The following TENM3 variants were observed in gnomAD, a reference collection of about 807,000 sequenced individuals.
The protein encoded by TENM3 is teneurin-3.
A neutral mutation model predicts 255.1 loss-of-function variants in TENM3; 63 were observed. The observed-to-expected ratio is 0.25, with a 90% CI of 0.20 to 0.30. TENM3 has a LOEUF of 0.30. TENM3 is among the 10% of genes least tolerant of loss of function. The pLI is 1.00. For missense variants in TENM3, 2,929 were observed against 3,461.1 expected, an observed-to-expected ratio of 0.85 and a Z score of 3.86; for synonymous variants, 1,306 against 1,322.3, an observed-to-expected ratio of 0.99 and a Z score of 0.27.
chr4:181,914,156 G>A, the TENM3 span, among the ~76,000 whole-genome samples: 1 of 152,122 alleles, frequency 6.6e-6, no homozygotes, highest in Non-Finnish European at 1.5e-5. Context: ...GGCTCCCATT[G>A]CCTGAAGACT....
the TENM3 span, among the ~76,000 whole-genome samples, chr4:181,778,203 T>C: frequency 5.3e-5 from 8 of 152,106 alleles, no homozygotes; most frequent in Non-Finnish European, 8.8e-5. Context: ...TGATGTAACA[T>C]AGCTAAAAAT....
chr4:182,262,857 G>A (rs1758925524), intron 1 of TENM3, among the ~76,000 whole-genome samples: 1 of 151,730 alleles, frequency 6.6e-6, no homozygotes, highest in African/African-American at 2.4e-5. Flanking sequence ...GGGACTACAG[G>A]CACCCACCAC....
At chr4:182,510,839 C>T (rs1049757258) in intron 3 of TENM3, among the ~76,000 whole-genome samples, 1 of 152,160 alleles carries the variant, frequency 6.6e-6, no homozygotes, top group Non-Finnish European at 1.5e-5. Flanking sequence ...AGGCAGTCTT[C>T]CATGGGATCT....
chr4:181,786,465 G>T, the TENM3 span, among the ~76,000 whole-genome samples: 654 of 152,254 alleles, frequency 4.3e-3, 7 homozygotes, highest in African/African-American at 0.015. Flanking sequence ...GAGGTGGGAG[G>T]TGGACACTAA....
the TENM3 span, among the ~76,000 whole-genome samples, chr4:181,752,973 A>G: frequency 4.6e-5 from 7 of 152,202 alleles, no homozygotes; most frequent in East Asian, 1.2e-3. Flanking sequence ...TTTAGTGTTC[A>G]TAGCTGAAAC....
intron 12 of TENM3, among the ~76,000 whole-genome samples, chr4:182,689,449 T>G (rs928152268): frequency 6.6e-6 from 1 of 152,250 alleles, no homozygotes; most frequent in Non-Finnish European, 1.5e-5. Flanking sequence ...ATGTAAGTTT[T>G]TTTCTAATCT....
At chr4:182,182,235 C>A (rs920924536) in intron 1 of TENM3, among the ~76,000 whole-genome samples, 1 of 152,084 alleles carries the variant, frequency 6.6e-6, no homozygotes, top group Non-Finnish European at 1.5e-5. Context: ...TTTCAAGAAT[C>A]TCTTCTATTA....
chr4:181,746,402 A>G, the TENM3 span, among the ~76,000 whole-genome samples: 1 of 152,110 alleles, frequency 6.6e-6, no homozygotes, highest in African/African-American at 2.4e-5. Flanking sequence ...AGAGTAAACC[A>G]GGATAGAAAA....
intron 1 of TENM3, among the ~76,000 whole-genome samples, chr4:182,280,155 A>C (rs1286134679): frequency 6.6e-6 from 1 of 152,176 alleles, no homozygotes; most frequent in East Asian, 1.9e-4. Context: ...CCTGTCCTTT[A>C]AATGACCATT....
intron 3 of TENM3, among the ~76,000 whole-genome samples, chr4:182,399,197 G>T (rs1334140656): frequency 2.6e-5 from 4 of 152,146 alleles, no homozygotes. Context: ...TCACACCTTG[G>T]CTAAACTATG....
chr4:182,734,637 C>T (rs1761029226), intron 16 of TENM3, among the ~76,000 whole-genome samples: 1 of 152,110 alleles, frequency 6.6e-6, no homozygotes, highest in Non-Finnish European at 1.5e-5. Context: ...GGTTCCTAAC[C>T]GAATGTTTAA....
At chr4:182,265,637 G>A (rs1759195929) in intron 1 of TENM3, among the ~76,000 whole-genome samples, 1 of 152,114 alleles carries the variant, frequency 6.6e-6, no homozygotes, top group Non-Finnish European at 1.5e-5. Context: ...CCACCCTGAA[G>A]CCAGTCATCC....
At chr4:182,504,271 T>C (rs1015657235) in intron 3 of TENM3, among the ~76,000 whole-genome samples, 3 of 152,126 alleles carry the variant, frequency 2.0e-5, no homozygotes, top group Non-Finnish European at 4.4e-5. Flanking sequence ...ACCTTCACTA[T>C]TATTAAAGGC....
intron 1 of TENM3, among the ~76,000 whole-genome samples, chr4:182,296,270 C>A (rs966373836): frequency 6.6e-6 from 1 of 152,130 alleles, no homozygotes; most frequent in African/African-American, 2.4e-5. Context: ...AGAAATTACC[C>A]ATATACTATT....
At chr4:182,512,251 G>T (rs1366704043) in intron 3 of TENM3, among the ~76,000 whole-genome samples, 1 of 152,160 alleles carries the variant, frequency 6.6e-6, no homozygotes, top group East Asian at 1.9e-4. Flanking sequence ...GAGGTACCAG[G>T]CCGAAAATGG....
intron 3 of TENM3, among the ~76,000 whole-genome samples, chr4:182,398,151 A>C (rs1447157757): frequency 6.6e-6 from 1 of 152,082 alleles, no homozygotes; most frequent in Admixed American, 6.5e-5. Context: ...CTACAAAGTG[A>C]AACACCAGAT....
intron 4 of TENM3, among the ~76,000 whole-genome samples, chr4:182,619,076 A>C (rs899352230): frequency 2.6e-5 from 4 of 152,072 alleles, no homozygotes; most frequent in Non-Finnish European, 5.9e-5. Flanking sequence ...AAGATGAGGA[A>C]ATTCAGTCAA....
chr4:181,769,574 G>A, the TENM3 span, among the ~76,000 whole-genome samples: 10 of 152,216 alleles, frequency 6.6e-5, no homozygotes, highest in African/African-American at 2.2e-4. Context: ...TTTAAAATCC[G>A]ATCATTCATC....
At chr4:182,769,809 A>G (rs1374415588) in intron 22 of TENM3, among the ~76,000 whole-genome samples, 1 of 150,776 alleles carries the variant, frequency 6.6e-6, no homozygotes, top group East Asian at 2.0e-4. Flanking sequence ...ACATAAATAA[A>G]GAACAGTCCT....
Sources: gnomAD v4.1 joint callset for allele counts (sites outside exome capture counted in the v4.1 genomes callset) on GRCh38, gnomAD v4.1.1 for gene constraint, MANE v1.5 for transcripts, NCBI Gene and HGNC (gene_info 2026-07-23, HGNC 2026-07-21) for gene names.